BANK1: variants seen among roughly 807,000 people sequenced by gnomAD.
BANK1 encodes the protein B-cell scaffold protein with ankyrin repeats.
Under a neutral mutation model 94.5 loss-of-function variants are expected in BANK1, and 95 were observed. That is an observed-to-expected ratio of 1.00 (90% CI 0.85 to 1.19). The LOEUF (loss-of-function observed/expected upper bound fraction) is 1.19. BANK1 is among the 50% of genes most tolerant of loss of function. BANK1 has a pLI of 0.00. For missense variants in BANK1, 987 were observed against 932.2 expected (o/e 1.06, Z -0.77); for synonymous variants, 334 against 308.4 (o/e 1.08, Z -0.87).
intron 9 of BANK1, among the ~76,000 whole-genome samples, chr4:102,028,110 G>A (rs1396973017): frequency 6.6e-6 from 1 of 152,158 alleles, no homozygotes; most frequent in African/African-American, 2.4e-5. Context: ...TATTTCTAGT[G>A]CAAGCCCAAC....
intron 2 of BANK1, among the ~76,000 whole-genome samples, chr4:101,848,999 A>G (rs924971165): frequency 6.6e-6 from 1 of 152,190 alleles, no homozygotes; most frequent in Admixed American, 6.5e-5. Context: ...GGGGCTGGAC[A>G]TACATGCCTT....
At chr4:101,929,165 A>C (rs1723260773) in intron 7 of BANK1, among the ~76,000 whole-genome samples, 1 of 136,408 alleles carries the variant, frequency 7.3e-6, no homozygotes, top group South Asian at 2.4e-4. Context: ...CACTCTCATC[A>C]CTATACTATT....
chr4:101,889,454 CG>C (rs1309514172), intron 5 of BANK1, among the ~76,000 whole-genome samples: 1 of 151,176 alleles, frequency 6.6e-6, no homozygotes, highest in Non-Finnish European at 1.5e-5. Context: ...AAAAATTAGC[CG>C]GGCGCGGTGG....
intron 5 of BANK1, among the ~76,000 whole-genome samples, chr4:101,892,294 A>G (rs1721905074): frequency 6.6e-6 from 1 of 151,384 alleles, no homozygotes; most frequent in Non-Finnish European, 1.5e-5. Context: ...TCAGATTCAA[A>G]TAGAGTTGTG....
chr4:101,916,751 C>T (rs1578397201), intron 6 of BANK1, among the ~76,000 whole-genome samples: 1 of 151,994 alleles, frequency 6.6e-6, no homozygotes, highest in Middle Eastern at 3.2e-3. Context: ...GTTTGAAAGA[C>T]ATTGGCTGAA....
chr4:101,924,194 G>A (rs1723084703), intron 7 of BANK1, among the ~76,000 whole-genome samples: 1 of 151,764 alleles, frequency 6.6e-6, no homozygotes, highest in South Asian at 2.1e-4. Flanking sequence ...CTATTCATCA[G>A]TAGAATGTTC....
At chr4:101,809,673 C>T (rs1725677796) in intron 1 of BANK1, among the ~76,000 whole-genome samples, 1 of 152,174 alleles carries the variant, frequency 6.6e-6, no homozygotes, top group Non-Finnish European at 1.5e-5. Flanking sequence ...GTGTTATTTG[C>T]TTTGACTCAT....
At chr4:101,834,375 G>T (rs187714245) in intron 2 of BANK1, among the ~76,000 whole-genome samples, 1 of 152,260 alleles carries the variant, frequency 6.6e-6, no homozygotes, top group East Asian at 1.9e-4. Context: ...ATTTGGAAAA[G>T]GGTGTTCAAA....
chr4:101,808,839 A>G (rs1393152565), intron 1 of BANK1, among the ~76,000 whole-genome samples: 1 of 152,196 alleles, frequency 6.6e-6, no homozygotes, highest in South Asian at 2.1e-4. Flanking sequence ...CATAATTAAA[A>G]AGTTAAAAAA....
intron 3 of BANK1, among the ~76,000 whole-genome samples, chr4:101,857,190 T>C (rs929761617): frequency 6.6e-6 from 1 of 152,210 alleles, no homozygotes; most frequent in African/African-American, 2.4e-5. Flanking sequence ...AAATGATAGT[T>C]GAGGCTTCCC....
At chr4:102,073,233 A>G (rs935699135) in intron 15 of BANK1, among the ~76,000 whole-genome samples, 2 of 130,236 alleles carry the variant, frequency 1.5e-5, no homozygotes, top group Admixed American at 7.9e-5. Flanking sequence ...GTATGTGCAT[A>G]TATGTATATA....
intron 1 of BANK1, among the ~76,000 whole-genome samples, chr4:101,792,675 T>C (rs935144054): frequency 3.9e-5 from 6 of 152,104 alleles, no homozygotes; most frequent in Admixed American, 6.5e-5. Flanking sequence ...CCAAGAGTCA[T>C]GTAGTAGTAA....
At chr4:101,806,178 G>GT (rs760169740) in intron 1 of BANK1, among the ~76,000 whole-genome samples, 2 of 151,612 alleles carry the variant, frequency 1.3e-5, no homozygotes, top group Non-Finnish European at 2.9e-5. Flanking sequence ...GTACTTCTAG[G>GT]TTTTTTATAC....
At chr4:101,901,817 G>T (rs941351346) in intron 6 of BANK1, among the ~76,000 whole-genome samples, 1 of 151,954 alleles carries the variant, frequency 6.6e-6, no homozygotes, top group Non-Finnish European at 1.5e-5. Flanking sequence ...CTGGAGTGCA[G>T]TGGTGCAATC....
chr4:101,937,983 A>G (rs1353631250), intron 7 of BANK1, among the ~76,000 whole-genome samples: 1 of 151,760 alleles, frequency 6.6e-6, no homozygotes, highest in East Asian at 1.9e-4. Flanking sequence ...GCAGACTAAC[A>G]CAGGAACAGA....
intron 5 of BANK1, among the ~76,000 whole-genome samples, chr4:101,880,081 C>T (rs1235959371): frequency 6.6e-6 from 1 of 151,936 alleles, no homozygotes; most frequent in Non-Finnish European, 1.5e-5. Context: ...TACTGAAAGT[C>T]CTAGCTAGAG....
At chr4:102,032,896 A>AT (rs1015177261) in intron 10 of BANK1, among the ~76,000 whole-genome samples, 5 of 130,888 alleles carry the variant, frequency 3.8e-5, no homozygotes, top group Non-Finnish European at 7.0e-5. Context: ...AAATATAAAA[A>AT]TAAAAAAAAA....
chr4:101,960,440 T>C (rs1019235794), intron 7 of BANK1, among the ~76,000 whole-genome samples: 2 of 152,090 alleles, frequency 1.3e-5, no homozygotes, highest in African/African-American at 4.8e-5. Context: ...TCACAATGAA[T>C]TCTTTATTGA....
chr4:101,801,296 GAAATA>G (rs1725348072), intron 1 of BANK1, among the ~76,000 whole-genome samples: 3 of 152,116 alleles, frequency 2.0e-5, no homozygotes, highest in Non-Finnish European at 4.4e-5. Context: ...TTTATTTGAT[GAAATA>G]AAATTAGTAT....
Sources: gnomAD v4.1 joint callset for allele counts (sites outside exome capture counted in the v4.1 genomes callset) on GRCh38, gnomAD v4.1.1 for gene constraint, MANE v1.5 for transcripts, NCBI Gene and HGNC (gene_info 2026-07-23, HGNC 2026-07-21) for gene names.